The following ZSWIM6 variants were observed in gnomAD, a reference collection of about 807,000 sequenced individuals.
ZSWIM6 encodes zinc finger SWIM-type containing 6.
Under a neutral mutation model 113.2 loss-of-function variants are expected in ZSWIM6, and 9 were observed. That is an observed-to-expected ratio of 0.08 (90% CI 0.05 to 0.14). The LOEUF (loss-of-function observed/expected upper bound fraction) is 0.14. Ranked by LOEUF, ZSWIM6 falls within the 10% of genes least tolerant of loss-of-function variation. The probability of loss-of-function intolerance (pLI) is 1.00; values close to 1 mark genes in which losing one functional copy is unlikely to be tolerated. For missense variants in ZSWIM6, 1,162 were observed against 1,552.2 expected, an observed-to-expected ratio of 0.75 and a Z score of 4.22; for synonymous variants, 611 against 606.5, an observed-to-expected ratio of 1.01 and a Z score of -0.11.
intron 1 of ZSWIM6, among the ~76,000 whole-genome samples, chr5:61,402,127 G>A (rs888824031): frequency 6.6e-5 from 10 of 152,046 alleles, no homozygotes; most frequent in Non-Finnish European, 1.3e-4. Flanking sequence ...TTAAAATGTC[G>A]TTAATGGAAC....
chr5:61,408,454 T>C (rs943981961), intron 1 of ZSWIM6, among the ~76,000 whole-genome samples: 1 of 152,256 alleles, frequency 6.6e-6, no homozygotes, highest in Admixed American at 6.5e-5. Context: ...TTAATTTCTT[T>C]GCTTGAAAAT....
intron 1 of ZSWIM6, among the ~76,000 whole-genome samples, chr5:61,443,505 A>G (rs1483169618): frequency 1.3e-5 from 2 of 152,194 alleles, no homozygotes; most frequent in East Asian, 1.9e-4. Flanking sequence ...CAGGGGACCC[A>G]ATATCCAGAA....
At chr5:61,383,542 C>G (rs1045277569) in intron 1 of ZSWIM6, among the ~76,000 whole-genome samples, 13 of 147,358 alleles carry the variant, frequency 8.8e-5, no homozygotes, top group African/African-American at 3.2e-4. Flanking sequence ...AGAACTTTCT[C>G]TTTTTTTTTT....
At chr5:61,343,502 G>A (rs1039196257) in intron 1 of ZSWIM6, among the ~76,000 whole-genome samples, 15 of 152,056 alleles carry the variant, frequency 9.9e-5, no homozygotes, top group African/African-American at 3.1e-4. Flanking sequence ...TTTTGTATAC[G>A]CCAGGTTGTA....
At position 61,440,984 on chromosome 5, in the gene ZSWIM6, G is replaced by A. The variant is rs116429852; in HGVS notation, c.677-31697G>A. ...GACAACAAATACTTTTTTGTGTGTG[G>A]GGCTGATGAGGTTCTAGGTAACAGT... On this transcript the variant is annotated intron_variant, in intron 1 of 13. Coordinates refer to ENST00000252744, the MANE Select transcript of ZSWIM6 (RefSeq NM_020928.2). 6.7e-3 allele frequency among the ~76,000 whole-genome samples: 1,017 copies of A among 152,248 alleles called. 15 individuals are homozygous for A. The highest frequency in any genetic ancestry group is 0.024 in the African/African-American group (982 of 41,546).
rs1387065794 is a variant in ZSWIM6, at chr5:61,499,949, T to A, written c.1333+5539T>A. ...CCCTGAAACAATCCTGTGAAATAGG[T>A]CCAATTATTTGCCCTCATTTTACAG... On this transcript the variant is annotated intron_variant, in intron 4 of 13. Transcript: ENST00000252744. Among the ~76,000 whole-genome samples the A allele has an allele frequency of 4.8e-4, 73 of 152,072 alleles. 1 individual carries two copies. Among genetic ancestry groups the A allele is most frequent in the Admixed American group, 4.8e-3 (73 of 15,256 alleles).
At chr5:61,528,227 A>T (rs2112272165) in intron 7 of ZSWIM6, among the ~76,000 whole-genome samples, 1 of 152,270 alleles carries the variant, frequency 6.6e-6, no homozygotes, top group East Asian at 1.9e-4. Context: ...TACATTTTCA[A>T]AATTATTTGG....
chr5:61,387,310 G>A (rs1745610847), intron 1 of ZSWIM6, among the ~76,000 whole-genome samples: 2 of 152,174 alleles, frequency 1.3e-5, no homozygotes, highest in Admixed American at 1.3e-4. Context: ...TGAAACTTAC[G>A]ATTATTTTAA....
intron 1 of ZSWIM6, among the ~76,000 whole-genome samples, chr5:61,462,145 T>C (rs1343488421): frequency 1.3e-5 from 2 of 152,142 alleles, no homozygotes; most frequent in Admixed American, 1.3e-4. Flanking sequence ...GGCTATAAAT[T>C]AGTGAAGATG....
intron 1 of ZSWIM6, among the ~76,000 whole-genome samples, chr5:61,356,770 A>T (rs911258900): frequency 7.1e-6 from 1 of 140,186 alleles, no homozygotes; most frequent in African/African-American, 2.6e-5. Context: ...AATATGTATA[A>T]TATATATATA....
At chr5:61,477,193 G>A (rs1747729458) in intron 2 of ZSWIM6, among the ~76,000 whole-genome samples, 1 of 152,156 alleles carries the variant, frequency 6.6e-6, no homozygotes, top group African/African-American at 2.4e-5. Flanking sequence ...AAGAGGGACA[G>A]TCTGATGGGA....
At chr5:61,390,156 A>G (rs976513990) in intron 1 of ZSWIM6, among the ~76,000 whole-genome samples, 1 of 152,208 alleles carries the variant, frequency 6.6e-6, no homozygotes, top group South Asian at 2.1e-4. Context: ...TCGCAAAAGT[A>G]TTCATGGGCA....
intron 1 of ZSWIM6, among the ~76,000 whole-genome samples, chr5:61,344,838 A>G (rs1184259438): frequency 1.3e-5 from 2 of 152,014 alleles, no homozygotes; most frequent in African/African-American, 4.8e-5. Flanking sequence ...TCAGATATCA[A>G]ACAAAACTAA....
At chr5:61,373,778 A>G (rs56407297) in intron 1 of ZSWIM6, among the ~76,000 whole-genome samples, 15,884 of 151,956 alleles carry the variant, frequency 0.1, 1,157 homozygotes, top group Admixed American at 0.19. Flanking sequence ...CTTTAATATC[A>G]TATCTTACTC....
chr5:61,405,260 A>G (rs1328227564), intron 1 of ZSWIM6, among the ~76,000 whole-genome samples: 1 of 152,232 alleles, frequency 6.6e-6, no homozygotes, highest in African/African-American at 2.4e-5. Flanking sequence ...CAAAGATGGG[A>G]TTAATCAAAA....
At chr5:61,339,645 C>G (rs574412026) in intron 1 of ZSWIM6, among the ~76,000 whole-genome samples, 2 of 151,990 alleles carry the variant, frequency 1.3e-5, no homozygotes, top group South Asian at 4.1e-4. Flanking sequence ...GCACAAATAT[C>G]CTAAAAATGA....
chr5:61,358,299 A>G (rs1173633323), intron 1 of ZSWIM6, among the ~76,000 whole-genome samples: 1 of 152,240 alleles, frequency 6.6e-6, no homozygotes, highest in Admixed American at 6.5e-5. Context: ...AGATCCCCCA[A>G]AATCTGCAAA....
intron 1 of ZSWIM6, among the ~76,000 whole-genome samples, chr5:61,357,367 T>C (rs1744937127): frequency 6.6e-6 from 1 of 152,092 alleles, no homozygotes; most frequent in Non-Finnish European, 1.5e-5. Context: ...TATGGGAATT[T>C]AGGAGCCAGG....
chr5:61,374,900 A>T (rs1351240781), intron 1 of ZSWIM6, among the ~76,000 whole-genome samples: 1 of 152,136 alleles, frequency 6.6e-6, no homozygotes, highest in Non-Finnish European at 1.5e-5. Flanking sequence ...TTGTCTGTAA[A>T]TTGGAAGTAA....
Sources: allele counts gnomAD v4.1 joint callset (sites outside exome capture counted in the v4.1 genomes callset), GRCh38; gene constraint gnomAD v4.1.1; transcripts MANE v1.5; gene names NCBI Gene and HGNC (gene_info 2026-07-23, HGNC 2026-07-21).